The following NIT2 variants were observed in gnomAD, a reference collection of about 807,000 sequenced individuals.
NIT2 encodes omega-amidase NIT2.
NIT2 carries 46 observed loss-of-function variants against 42.7 expected under a neutral mutation model. The observed-to-expected ratio is 1.08, with a 90% CI of 0.85 to 1.38. The LOEUF is 1.38. Ranked by LOEUF, NIT2 falls within the 40% of genes most tolerant of loss-of-function variation. The pLI is 0.00. For missense variants in NIT2, 309 were observed against 342.5 expected, an observed-to-expected ratio of 0.90 and a Z score of 0.77; for synonymous variants, 123 against 121.9, an observed-to-expected ratio of 1.01 and a Z score of -0.06.
In NIT2 at chr3:100,344,948, AT is replaced by A. The variant is rs1171362130; in HGVS notation, c.337-627del. 8.0e-3 allele frequency among the ~76,000 whole-genome samples: 709 copies of A among 89,144 alleles called. 5 individuals are homozygous for A. Among genetic ancestry groups the A allele is most frequent in the African/African-American group, 0.028 (544 of 19,526 alleles). 58.5% of individuals were successfully genotyped at this position (89,144 alleles called of 152,430 possible). On this transcript the variant is annotated intron_variant, in intron 4 of 9. Transcript: ENST00000394140. ...ATTTGTCAGTTTGATTCTGATAAGT[AT>A]TTTTTTTTTCTTTTTTTTTTTGAGA...
At position 100,339,071 on chromosome 3, in the gene NIT2, T is replaced by A. The variant is rs528756941; in HGVS notation, c.8-16T>A. The stretch of plus-strand genomic sequence containing the variant: ...TCGATCTTCTGATAGCTGTTTTCTT[T>A]TGTCTTTGTTCTCAGCTTTCCGCTT... On this transcript the variant is annotated splice_polypyrimidine_tract_variant and intron_variant, in intron 1 of 9. Coordinates refer to ENST00000394140, the MANE Select transcript of NIT2 (RefSeq NM_020202.5). 361 of 1,565,484 alleles carry A rather than the reference T, an allele frequency of 2.3e-4. 9 individuals are homozygous for A. The South Asian group carries it at 3.2e-3, about 14-fold the overall frequency.
At position 100,355,182 on chromosome 3, in the gene NIT2, A is replaced by T; in HGVS notation, c.745A>T (p.Lys249Ter). ...CACTTTCCTGTTTTTTGCAGACCTG[A>T]AGAAGCTGGCTGAAATACGCCAGCA... is the stretch of plus-strand genomic sequence containing the variant. ...EAIVYSDIDL[K>*]KLAEIRQQIP... The change falls in exon 10 of 10, where the codon AAG becomes TAG. Residue 249 changes from lysine (K) to a stop codon, truncating the protein, a stop_gained. Transcript: ENST00000394140. LOFTEE classifies it high-confidence loss of function. The T allele has an allele frequency of 6.2e-7, 1 of 1,613,888 alleles. No individual in the cohort carries two copies. Among genetic ancestry groups the T allele is most frequent in the Non-Finnish European group, 8.5e-7 (1 of 1,179,802 alleles).
intron 3 of NIT2, among the ~76,000 whole-genome samples, chr3:100,340,769 G>C (rs1403500809): frequency 6.6e-6 from 1 of 151,932 alleles, no homozygotes; most frequent in Non-Finnish European, 1.5e-5. Flanking sequence ...GAACAGTTTG[G>C]TTATTTTTTA....
intron 9 of NIT2, 122 bp downstream of exon 9, chr3:100,354,949 T>C (rs932407934): frequency 2.3e-6 from 2 of 867,610 alleles, no homozygotes; most frequent in Non-Finnish European, 3.7e-6. Flanking sequence ...CATTGATCTC[T>C]GGGGATATTC....
intron 4 of NIT2, among the ~76,000 whole-genome samples, chr3:100,343,284 G>A (rs897945581): frequency 1.3e-5 from 2 of 151,576 alleles, no homozygotes; most frequent in Non-Finnish European, 2.9e-5. Flanking sequence ...ACACTATTTT[G>A]TTAAATATTT....
rs574820587 is a variant in NIT2 at position 100,358,812 on chromosome 3, A to G, written c.*3544A>G. 2 of 152,346 alleles carry G rather than the reference A, an allele frequency of 1.3e-5. No homozygotes were observed. The highest frequency in any genetic ancestry group is 3.9e-4 in the East Asian group (2 of 5,180). The allele number at this position is 152,346 out of a possible 1,614,324, so 9.4% of individuals were successfully genotyped here. Reference sequence around the variant, plus strand: ...AGTTTAGACAAGAGTTTAGGTTTCAAGATAAATGTTCTGCTCTATTGGCAC... The same window carrying G: ...AGTTTAGACAAGAGTTTAGGTTTCAGGATAAATGTTCTGCTCTATTGGCAC... On this transcript the variant is annotated 3_prime_UTR_variant, in exon 10 of 10. Coordinates refer to ENST00000394140, the MANE Select transcript of NIT2 (RefSeq NM_020202.5).
intron 6 of NIT2, among the ~76,000 whole-genome samples, chr3:100,346,843 A>G (rs762997229): frequency 1.4e-4 from 21 of 152,142 alleles, no homozygotes; most frequent in Non-Finnish European, 2.5e-4. Context: ...CATCCTTACT[A>G]GACTGCTTGA....
Position 100,339,911 on chromosome 3 carries a change from G to A in NIT2, c.223G>A (p.Glu75Lys). 1 of 1,613,694 alleles carries A rather than the reference G, an allele frequency of 6.2e-7. No homozygotes were observed. Among genetic ancestry groups the A allele is most frequent in the South Asian group, 1.1e-5 (1 of 90,998 alleles). ...STQKLSEVAK[E>K]CSIYLIGGSI... ...ACAGAAGCTTTCTGAAGTAGCAAAG[G>A]AATGCAGCATATATCTCATTGGAGG... is the stretch of plus-strand genomic sequence containing the variant. The change falls in exon 3 of 10, where the codon GAA becomes AAA. Residue 75 changes from glutamate to lysine, a missense_variant. By Grantham distance (56) the Glu-to-Lys change is moderately conservative (BLOSUM62 1). Coordinates refer to ENST00000394140, the MANE Select transcript of NIT2 (RefSeq NM_020202.5).
rs1706322979 is a variant in NIT2 at position 100,356,101 on chromosome 3, A to G, written c.*833A>G. On this transcript the variant is annotated 3_prime_UTR_variant, in exon 10 of 10. Transcript: ENST00000394140. ...TAGGGACTGAGCCAGGCGCAGTAGC[A>G]TGCGCCTGTAGTCCTAGCCACATTG... The G allele has an allele frequency of 6.6e-6, 1 of 152,236 alleles. No homozygotes were observed. The highest frequency in any genetic ancestry group is 1.5e-5 in the Non-Finnish European group (1 of 68,058). The allele number at this position is 152,236 out of a possible 1,614,324, so 9.4% of individuals were successfully genotyped here.
At chr3:100,343,389 T>C (rs748606464) in intron 4 of NIT2, among the ~76,000 whole-genome samples, 3 of 152,058 alleles carry the variant, frequency 2.0e-5, no homozygotes, top group Non-Finnish European at 2.9e-5. Flanking sequence ...TGTTTTTGTC[T>C]TTCCAATACT....
Position 100,359,536 on chromosome 3 carries a change from A to G in NIT2, c.*4268A>G, listed in dbSNP as rs975756091. 1 of 152,166 alleles carries G rather than the reference A, an allele frequency of 6.6e-6. No homozygotes were observed. Among genetic ancestry groups the G allele is most frequent in the African/African-American group, 2.4e-5 (1 of 41,408 alleles). 9.4% of individuals were successfully genotyped at this position (152,166 alleles called of 1,614,324 possible). A position where few individuals can be genotyped will look rare whatever the true frequency, so the allele number is the denominator to read the frequency against. ...AGTGACACTCTTCTGGCAGATTACT[A>G]AAGACCGATTTGTAGACCTGTCCAT... On this transcript the variant is annotated 3_prime_UTR_variant, in exon 10 of 10. Coordinates refer to ENST00000394140, the MANE Select transcript of NIT2 (RefSeq NM_020202.5).
At chr3:100,339,673 A>G (rs1706125503) in intron 2 of NIT2, 142 bp from the exon 3 acceptor site, 2 of 735,874 alleles carry the variant, frequency 2.7e-6, no homozygotes, top group African/African-American at 3.6e-5. Context: ...TACCCTTGAG[A>G]TGTCAGTGTT....
Position 100,360,374 on chromosome 3 carries a change from T to G in NIT2, c.*5106T>G, listed in dbSNP as rs996508203. 7 of 152,268 alleles carry G rather than the reference T, an allele frequency of 4.6e-5. No individual in the cohort carries two copies. Among genetic ancestry groups the G allele is most frequent in the Admixed American group, 4.6e-4 (7 of 15,276 alleles). 9.4% of individuals were successfully genotyped at this position (152,268 alleles called of 1,614,324 possible). On this transcript the variant is annotated 3_prime_UTR_variant, in exon 10 of 10. Transcript: ENST00000394140. The stretch of plus-strand genomic sequence containing the variant: ...ATCCCAGCACTTTGGGAGGCCAAGA[T>G]GGGCAGATCACTTAAGGTCAGGAGT...
chr3:100,343,544 C>T (rs1049194965), intron 4 of NIT2, among the ~76,000 whole-genome samples: 1 of 151,920 alleles, frequency 6.6e-6, no homozygotes, highest in Non-Finnish European at 1.5e-5. Flanking sequence ...TCTGAAATAC[C>T]CCTTTGCTTC....
intron 7 of NIT2, chr3:100,349,714 A>T (rs532659402): frequency 6.6e-6 from 1 of 152,400 alleles, no homozygotes; most frequent in South Asian, 2.1e-4. Flanking sequence ...GTACTGTGCC[A>T]AGAAACTCAT....
At chr3:100,335,340 A>G (rs1174656607) in intron 1 of NIT2, among the ~76,000 whole-genome samples, 1 of 152,172 alleles carries the variant, frequency 6.6e-6, no homozygotes, top group Non-Finnish European at 1.5e-5. Flanking sequence ...ACCTCACACA[A>G]TGATGTTAAT....
chr3:100,349,750 T>G (rs1706255629), intron 7 of NIT2: 1 of 152,274 alleles, frequency 6.6e-6, no homozygotes, highest in African/African-American at 2.4e-5. Flanking sequence ...TTCTAACCTA[T>G]AACTCCAGGG....
At chr3:100,338,402 G>C (rs1006796965) in intron 1 of NIT2, among the ~76,000 whole-genome samples, 4 of 152,186 alleles carry the variant, frequency 2.6e-5, no homozygotes, top group African/African-American at 9.7e-5. Flanking sequence ...GGTAAGTGCA[G>C]ACTTTTAGAG....
At chr3:100,348,964 C>T (rs2148883700) in intron 7 of NIT2, 83 bp downstream of exon 7, 2 of 1,150,612 alleles carry the variant, frequency 1.7e-6, no homozygotes, top group Non-Finnish European at 2.6e-6. Flanking sequence ...TGCCAGCCTT[C>T]CTGATGTGGA....
Sources: gnomAD v4.1 joint callset for allele counts (sites outside exome capture counted in the v4.1 genomes callset) on GRCh38, gnomAD v4.1.1 for gene constraint, MANE v1.5 for transcripts, NCBI Gene and HGNC (gene_info 2026-07-23, HGNC 2026-07-21) for gene names.